Variants in LMCD1 observed in about 807,000 individuals in gnomAD.
LMCD1 encodes LIM and cysteine-rich domains protein 1.
LMCD1 carries 32 observed loss-of-function variants against 42.7 expected under a neutral mutation model. The ratio of observed to expected loss-of-function variants is 0.75; its 90% CI spans 0.57 to 1.01. The LOEUF (loss-of-function observed/expected upper bound fraction) is 1.01, where lower values mean the gene tolerates loss of function less well. Ranked by LOEUF, LMCD1 falls within the 50% of genes least tolerant of loss-of-function variation. The pLI is 0.00. For missense variants in LMCD1, 458 were observed against 483.1 expected, an observed-to-expected ratio of 0.95 and a Z score of 0.49; for synonymous variants, 178 against 184.9, an observed-to-expected ratio of 0.96 and a Z score of 0.30.
At chr3:8,538,044 G>A (rs151209271) in intron 3 of LMCD1, among the ~76,000 whole-genome samples, 48 of 152,242 alleles carry the variant, frequency 3.2e-4, no homozygotes, top group Admixed American at 1.3e-3. Context: ...CTAGCTGCTC[G>A]CTGGAATCCC....
Position 8,571,712 on chromosome 3 carries a change from G to C in LMCD1, c.*4114G>C, listed in dbSNP as rs1476115965. 1 of 152,260 alleles carries C rather than the reference G, an allele frequency of 6.6e-6. No individual in the cohort carries two copies. Among genetic ancestry groups the C allele is most frequent in the East Asian group, 1.9e-4 (1 of 5,202 alleles). The allele number at this position is 152,260 out of a possible 1,614,324, so 9.4% of individuals were successfully genotyped here. A position where few individuals can be genotyped will look rare whatever the true frequency, so the allele number is the denominator to read the frequency against. ...AGCCAGTGGGGCTTCCGCCTTAGGAGGGTCTTAGAAAAGTGTTTTTCCTTA... is the reference window on the plus strand; with the variant it reads ...AGCCAGTGGGGCTTCCGCCTTAGGACGGTCTTAGAAAAGTGTTTTTCCTTA... On this transcript the variant is annotated 3_prime_UTR_variant, in exon 6 of 6. Coordinates refer to ENST00000157600, the MANE Select transcript of LMCD1 (RefSeq NM_014583.4).
intron 1 of LMCD1, among the ~76,000 whole-genome samples, chr3:8,502,905 G>C (rs1336841372): frequency 6.6e-6 from 1 of 152,114 alleles, no homozygotes; most frequent in Non-Finnish European, 1.5e-5. Flanking sequence ...TGAGGCCCGG[G>C]GTCACAGAGA....
chr3:8,506,375 G>C (rs949196973), intron 1 of LMCD1, among the ~76,000 whole-genome samples: 1 of 152,166 alleles, frequency 6.6e-6, no homozygotes, highest in Non-Finnish European at 1.5e-5. Flanking sequence ...CTGACCAAAG[G>C]TGACAAGGAT....
intron 1 of LMCD1, among the ~76,000 whole-genome samples, chr3:8,504,329 G>T (rs1399543469): frequency 6.6e-6 from 1 of 152,244 alleles, no homozygotes; most frequent in African/African-American, 2.4e-5. Flanking sequence ...GCAACAGTAT[G>T]TGGGGGAGGT....
chr3:8,517,944 A>G (rs921172126), intron 1 of LMCD1, among the ~76,000 whole-genome samples: 2 of 152,230 alleles, frequency 1.3e-5, no homozygotes, highest in African/African-American at 4.8e-5. Context: ...TTATAAACAT[A>G]TAATGCTTAA....
intron 1 of LMCD1, among the ~76,000 whole-genome samples, chr3:8,525,920 G>A (rs984792845): frequency 9.2e-5 from 14 of 152,194 alleles, no homozygotes; most frequent in Non-Finnish European, 1.6e-4. Flanking sequence ...AGATCCCCAG[G>A]AGAGTTTAAT....
chr3:8,554,288 C>A (rs937063132), intron 4 of LMCD1, among the ~76,000 whole-genome samples: 1 of 151,546 alleles, frequency 6.6e-6, no homozygotes, highest in Admixed American at 6.6e-5. Flanking sequence ...CTGATGAGAG[C>A]GGGGCTTCGG....
intron 2 of LMCD1, among the ~76,000 whole-genome samples, chr3:8,534,534 A>G (rs1410869133): frequency 6.6e-6 from 1 of 152,200 alleles, no homozygotes; most frequent in Non-Finnish European, 1.5e-5. Flanking sequence ...CTTAAATTAG[A>G]CTCAAATTGA....
intron 1 of LMCD1, among the ~76,000 whole-genome samples, chr3:8,512,045 G>C (rs778846570): frequency 6.6e-6 from 1 of 152,216 alleles, no homozygotes; most frequent in Non-Finnish European, 1.5e-5. Flanking sequence ...ATATACGTCC[G>C]TGAGATCCAG....
At chr3:8,532,402 G>C (rs1038175752) in intron 1 of LMCD1, among the ~76,000 whole-genome samples, 1 of 152,176 alleles carries the variant, frequency 6.6e-6, no homozygotes, top group Non-Finnish European at 1.5e-5. Context: ...GAGTGGGTGA[G>C]GGTGGGGGAT....
chr3:8,516,298 G>A (rs912667118), intron 1 of LMCD1, among the ~76,000 whole-genome samples: 3 of 152,108 alleles, frequency 2.0e-5, no homozygotes, highest in East Asian at 1.9e-4. Flanking sequence ...GACAAGAGCC[G>A]GAGGGACAAC....
chr3:8,520,046 T>C (rs9312024), intron 1 of LMCD1, among the ~76,000 whole-genome samples: 59,396 of 152,004 alleles, frequency 0.39, 12,575 homozygotes, highest in Non-Finnish European at 0.49. Flanking sequence ...TTAATAATAG[T>C]GCTGTACGTT....
rs953437641 is a variant in LMCD1 at position 8,506,178 on chromosome 3, G to A, written c.42+4198G>A. ...ACAGTTGACTTTCACCAATGTATCT[G>A]CCACTGTGGTAGTGGGAGGCAGGAA... On this transcript the variant is annotated intron_variant, in intron 1 of 5. Transcript: ENST00000157600. 1.0e-3 allele frequency among the ~76,000 whole-genome samples: 153 copies of A among 152,270 alleles called. 1 individual carries two copies. Among genetic ancestry groups the A allele is most frequent in the African/African-American group, 3.6e-3 (149 of 41,552 alleles).
rs550745224 is a variant in LMCD1 at position 8,547,484 on chromosome 3, G to T, written c.388-1084G>T. Among the ~76,000 whole-genome samples, 4 of 152,342 alleles carry T rather than the reference G, an allele frequency of 2.6e-5. No individual in the cohort carries two copies. In the South Asian group the frequency reaches 8.3e-4, roughly 32 times the overall value. Reference sequence around the variant, plus strand: ...AGCTGTTACCATGAGCCAATAAGGTGTAAGTTTTTAAAATCCTTTTTAAAA... The same window carrying T: ...AGCTGTTACCATGAGCCAATAAGGTTTAAGTTTTTAAAATCCTTTTTAAAA... On this transcript the variant is annotated intron_variant, in intron 3 of 5. Coordinates refer to ENST00000157600, the MANE Select transcript of LMCD1 (RefSeq NM_014583.4).
intron 1 of LMCD1, among the ~76,000 whole-genome samples, chr3:8,524,671 T>C (rs558219324): frequency 3.5e-5 from 5 of 141,528 alleles, no homozygotes; most frequent in Admixed American, 3.5e-4. Context: ...TATAACTTGA[T>C]GGATTTGTGA....
intron 1 of LMCD1, among the ~76,000 whole-genome samples, chr3:8,503,002 C>T (rs1444174440): frequency 6.6e-6 from 1 of 152,188 alleles, no homozygotes; most frequent in Non-Finnish European, 1.5e-5. Context: ...CATGATTCAC[C>T]AGGTCACTTT....
rs748829420 is a variant in LMCD1 at position 8,567,617 on chromosome 3, C to A, written c.*19C>A. ...CTCCTGAAGGGCTGCCCACCCACAGCCAGAATCCACAGGATCCCACCGAGA... is the reference window on the plus strand; with the variant it reads ...CTCCTGAAGGGCTGCCCACCCACAGACAGAATCCACAGGATCCCACCGAGA... On this transcript the variant is annotated 3_prime_UTR_variant, in exon 6 of 6. Transcript: ENST00000157600. The A allele has an allele frequency of 6.2e-6, 10 of 1,603,370 alleles. No homozygotes were observed. The highest frequency in any genetic ancestry group is 1.4e-5 in the African/African-American group (1 of 73,948).
chr3:8,537,450 C>T lies in LMCD1; in HGVS notation c.387+10C>T, dbSNP rs566213922. Reference sequence around the variant, plus strand: ...AGTCACCCAGAAACTGGTAAGAGAGCTTCCCCAACCAAGCAGTTGTTTTCC... The same window carrying T: ...AGTCACCCAGAAACTGGTAAGAGAGTTTCCCCAACCAAGCAGTTGTTTTCC... On this transcript the variant is annotated intron_variant, in intron 3 of 5. Coordinates refer to ENST00000157600, the MANE Select transcript of LMCD1 (RefSeq NM_014583.4). 228 of 1,548,668 alleles carry T rather than the reference C, an allele frequency of 1.5e-4. No homozygotes were observed. In the East Asian group the frequency reaches 5.1e-3, roughly 35 times the overall value.
intron 4 of LMCD1, chr3:8,550,296 CATTTGTTTCTATGGCAATTAACTTTTG>C: frequency 2.0e-6 from 2 of 1,009,574 alleles, no homozygotes; most frequent in Non-Finnish European, 2.4e-6. Flanking sequence ...CAAGTGTCTT[CATTTGTTTCTATGGCAATTAACTTTTG>C]GAGATAGAAG....
Sources: gnomAD v4.1 joint callset for allele counts (sites outside exome capture counted in the v4.1 genomes callset) on GRCh38, gnomAD v4.1.1 for gene constraint, MANE v1.5 for transcripts, NCBI Gene and HGNC (gene_info 2026-07-23, HGNC 2026-07-21) for gene names.